DLG2: variants seen among roughly 807,000 people sequenced by gnomAD.
DLG2 encodes disks large homolog 2.
In DLG2, 45 loss-of-function variants were observed where a neutral mutation model predicts 132.5. The ratio of observed to expected loss-of-function variants is 0.34; its 90% confidence interval spans 0.27 to 0.44. The LOEUF is 0.44. Ranked by LOEUF, DLG2 falls within the 20% of genes least tolerant of loss-of-function variation. The pLI is 1.00. For synonymous variants in DLG2, 424 were observed against 419.6 expected, an observed-to-expected ratio of 1.01 and a Z score of -0.13; for missense variants, 1,045 against 1,196.9, an observed-to-expected ratio of 0.87 and a Z score of 1.87.
At chr11:83,824,316 T>C (rs1407342566) in intron 17 of DLG2, among the ~76,000 whole-genome samples, 1 of 152,156 alleles carries the variant, frequency 6.6e-6, no homozygotes, top group African/African-American at 2.4e-5. Context: ...GAACTTACCG[T>C]TAGCATTTCC....
intron 3 of DLG2, among the ~76,000 whole-genome samples, chr11:85,503,305 G>A (rs7121938): frequency 0.023 from 3,464 of 152,008 alleles, 121 homozygotes; most frequent in African/African-American, 0.078. Context: ...TTGAGCCATC[G>A]ACAAATTCTA....
rs59917539 is a variant in DLG2 at position 84,227,913 on chromosome 11, C to CAA, written c.573+23323_573+23324dup. Among the ~76,000 whole-genome samples, 148 of 74,244 alleles carry CAA rather than the reference C, an allele frequency of 2.0e-3. 2 individuals carry two copies. The South Asian group carries it at 0.027, about 14-fold the overall frequency. 48.7% of individuals were successfully genotyped at this position (74,244 alleles called of 152,430 possible). ...TGGGCGACAGAGTGAGACTCCATCT[C>CAA]AAAAAAAAAAAAAAAAAAATGTATG... On this transcript the variant is annotated intron_variant, in intron 8 of 27. Transcript: ENST00000376104.
At chr11:84,776,198 A>C (rs1170250012) in intron 6 of DLG2, among the ~76,000 whole-genome samples, 2 of 152,058 alleles carry the variant, frequency 1.3e-5, no homozygotes, top group Non-Finnish European at 2.9e-5. Flanking sequence ...TCTGTTTCCT[A>C]GGCTGGAGTG....
chr11:84,678,354 C>G (rs181954136), intron 6 of DLG2, among the ~76,000 whole-genome samples: 1 of 152,076 alleles, frequency 6.6e-6, no homozygotes, highest in Non-Finnish European at 1.5e-5. Flanking sequence ...GTCTAATACA[C>G]CCTTGAGTTA....
At chr11:84,935,155 A>T (rs760426263) in intron 6 of DLG2, among the ~76,000 whole-genome samples, 3 of 152,146 alleles carry the variant, frequency 2.0e-5, no homozygotes, top group Non-Finnish European at 4.4e-5. Context: ...ATTTTCTTAG[A>T]TATTTGCAGA....
chr11:84,673,658 CTG>C (rs2099708365), intron 6 of DLG2, among the ~76,000 whole-genome samples: 1 of 149,496 alleles, frequency 6.7e-6, no homozygotes, highest in Non-Finnish European at 1.5e-5. Flanking sequence ...GTAGTGAAGA[CTG>C]TGACAAAAAT....
In DLG2 at chr11:84,121,586, G is replaced by C. The variant is rs1331043330; in HGVS notation, c.625-22539C>G. On this transcript the variant is annotated intron_variant, in intron 9 of 27. Coordinates refer to ENST00000376104, the MANE Select transcript of DLG2 (RefSeq NM_001142699.3). Reference sequence around the variant, plus strand: ...TTTTTTTTTTTTTTTTTTTGAGACGGAGTCTCGCTCTGTGGCCCAGGCTGG... The same window carrying C: ...TTTTTTTTTTTTTTTTTTTGAGACGCAGTCTCGCTCTGTGGCCCAGGCTGG... Among the ~76,000 whole-genome samples the C allele has an allele frequency of 6.2e-5, 7 of 112,482 alleles. 1 individual carries two copies. Among genetic ancestry groups the C allele is most frequent in the Non-Finnish European group, 8.6e-5 (5 of 58,466 alleles). 73.8% of individuals were successfully genotyped at this position (112,482 alleles called of 152,430 possible).
At chr11:83,848,273 G>A (rs1047501982) in intron 16 of DLG2, among the ~76,000 whole-genome samples, 6 of 152,154 alleles carry the variant, frequency 3.9e-5, no homozygotes, top group African/African-American at 1.4e-4. Context: ...CTAGCATCTA[G>A]TCTAGTGCCT....
chr11:85,136,332 G>A (rs758418912), intron 5 of DLG2, among the ~76,000 whole-genome samples: 4 of 152,208 alleles, frequency 2.6e-5, no homozygotes, highest in Non-Finnish European at 4.4e-5. Flanking sequence ...ATTTTGAAGT[G>A]TAGACCCATT....
intron 6 of DLG2, among the ~76,000 whole-genome samples, chr11:85,023,179 G>A (rs2060227309): frequency 6.6e-6 from 1 of 151,940 alleles, no homozygotes; most frequent in African/African-American, 2.4e-5. Context: ...TGCTTTATTT[G>A]TATTAGTCCC....
chr11:85,183,558 C>T (rs1220108797), intron 4 of DLG2, among the ~76,000 whole-genome samples: 1 of 151,892 alleles, frequency 6.6e-6, no homozygotes, highest in African/African-American at 2.4e-5. Context: ...TATCTTACTA[C>T]ATCAAATCTT....
At chr11:84,633,864 T>G (rs1048068681) in intron 6 of DLG2, among the ~76,000 whole-genome samples, 1 of 151,970 alleles carries the variant, frequency 6.6e-6, no homozygotes, top group African/African-American at 2.4e-5. Flanking sequence ...CTGAGTGAAA[T>G]AACAAAGGCA....
chr11:84,844,617 G>A (rs1384180947), intron 6 of DLG2, among the ~76,000 whole-genome samples: 2 of 151,696 alleles, frequency 1.3e-5, no homozygotes, highest in Non-Finnish European at 2.9e-5. Flanking sequence ...TCTCCTTTCA[G>A]ACTCTAGGTA....
intron 15 of DLG2, among the ~76,000 whole-genome samples, chr11:83,921,945 T>G (rs2154121936): frequency 6.6e-6 from 1 of 152,274 alleles, no homozygotes. Flanking sequence ...AAAACCAATC[T>G]GGTTTCACTT....
intron 6 of DLG2, among the ~76,000 whole-genome samples, chr11:85,023,434 AAAAC>A (rs770219164): frequency 6.6e-5 from 10 of 152,112 alleles, no homozygotes; most frequent in Non-Finnish European, 1.3e-4. Context: ...CAGGGAAAGA[AAAAC>A]AAGTCATTTT....
At chr11:84,311,600 T>C (rs940947472) in intron 7 of DLG2, among the ~76,000 whole-genome samples, 1 of 152,238 alleles carries the variant, frequency 6.6e-6, no homozygotes, top group Non-Finnish European at 1.5e-5. Context: ...GGATGAGATT[T>C]GGGTGTTCAT....
At chr11:84,659,938 A>T (rs1321551293) in intron 6 of DLG2, among the ~76,000 whole-genome samples, 1 of 152,138 alleles carries the variant, frequency 6.6e-6, no homozygotes, top group Non-Finnish European at 1.5e-5. Flanking sequence ...GGTGCCAAAC[A>T]TGGGGCTTCT....
chr11:84,538,636 G>A (rs1406970731), intron 6 of DLG2, among the ~76,000 whole-genome samples: 1 of 150,872 alleles, frequency 6.6e-6, no homozygotes, highest in Admixed American at 6.6e-5. Context: ...CATAAATCAT[G>A]CACACATGAA....
intron 6 of DLG2, among the ~76,000 whole-genome samples, chr11:84,814,338 G>A (rs2076875760): frequency 6.6e-6 from 1 of 152,046 alleles, no homozygotes; most frequent in Non-Finnish European, 1.5e-5. Context: ...AAGTAAACTG[G>A]TTATGAACTA....
Sources: allele counts gnomAD v4.1 joint callset (sites outside exome capture counted in the v4.1 genomes callset), GRCh38; gene constraint gnomAD v4.1.1; transcripts MANE v1.5; gene names NCBI Gene and HGNC (gene_info 2026-07-23, HGNC 2026-07-21).